MEI4: variants seen among roughly 807,000 people sequenced by gnomAD.
MEI4 encodes the protein meiotic double-stranded break formation protein 4.
MEI4 carries 27 observed loss-of-function variants against 31.4 expected under a neutral mutation model. The observed-to-expected ratio is 0.86, with a 90% confidence interval of 0.63 to 1.19. MEI4 has a LOEUF of 1.19. Among genes scored for constraint, MEI4 ranks in the 50% most tolerant of loss-of-function variants. The probability of loss-of-function intolerance (pLI) is 0.00; values close to 1 mark genes in which losing one functional copy is unlikely to be tolerated. For synonymous variants in MEI4, 122 were observed against 145.4 expected, an observed-to-expected ratio of 0.84 and a Z score of 1.16; for missense variants, 329 against 398.9, an observed-to-expected ratio of 0.82 and a Z score of 1.49.
At chr6:77,804,127 G>A (rs1018819540) in intron 3 of MEI4, among the ~76,000 whole-genome samples, 8 of 152,154 alleles carry the variant, frequency 5.3e-5, no homozygotes, top group Admixed American at 3.9e-4. Flanking sequence ...CACCCAGTTC[G>A]AGCTTCCTGG....
intron 4 of MEI4, among the ~76,000 whole-genome samples, chr6:77,909,643 G>T: frequency 1.3e-5 from 2 of 152,094 alleles, no homozygotes; most frequent in Non-Finnish European, 2.9e-5. Flanking sequence ...GGAGGAACTG[G>T]TACCATTCTT....
chr6:77,860,073 G>A (rs1056906394), intron 4 of MEI4, among the ~76,000 whole-genome samples: 3 of 151,990 alleles, frequency 2.0e-5, no homozygotes, highest in African/African-American at 4.8e-5. Context: ...ATTTCACATC[G>A]CTTATTTGCT....
intron 3 of MEI4, among the ~76,000 whole-genome samples, chr6:77,798,173 T>TA (rs1428833491): frequency 6.6e-6 from 1 of 151,084 alleles, no homozygotes; most frequent in Admixed American, 6.6e-5. Context: ...TAAATATAAC[T>TA]AAAAAATCAA....
chr6:77,744,276 G>T, intron 2 of MEI4, among the ~76,000 whole-genome samples: 1 of 152,116 alleles, frequency 6.6e-6, no homozygotes, highest in Non-Finnish European at 1.5e-5. Context: ...GTACTTAAAG[G>T]AGCTGATGGA....
intron 3 of MEI4, among the ~76,000 whole-genome samples, chr6:77,799,975 G>C (rs1253157477): frequency 2.0e-5 from 3 of 152,012 alleles, no homozygotes; most frequent in East Asian, 1.9e-4. Flanking sequence ...CTTGGCAATG[G>C]GGGCTCTTTT....
At chr6:77,792,551 C>T (rs974631177) in intron 3 of MEI4, among the ~76,000 whole-genome samples, 6 of 151,970 alleles carry the variant, frequency 3.9e-5, no homozygotes, top group African/African-American at 1.5e-4. Context: ...AAATATTGCT[C>T]GGACTATTGC....
At chr6:77,873,818 C>T (rs1362480051) in intron 4 of MEI4, among the ~76,000 whole-genome samples, 1 of 152,194 alleles carries the variant, frequency 6.6e-6, no homozygotes, top group Non-Finnish European at 1.5e-5. Flanking sequence ...CAGCTTTCTA[C>T]ATATGGCTAG....
chr6:77,702,421 G>A (rs11758866), intron 2 of MEI4, among the ~76,000 whole-genome samples: 20,977 of 152,190 alleles, frequency 0.14, 1,534 homozygotes, highest in Middle Eastern at 0.21. Flanking sequence ...ATGGAAGTTT[G>A]TTTAAAATTG....
intron 4 of MEI4, among the ~76,000 whole-genome samples, chr6:77,841,333 A>ATT (rs1239589008): frequency 5.6e-3 from 154 of 27,718 alleles, no homozygotes; most frequent in Non-Finnish European, 6.5e-3. Context: ...ATATATATAT[A>ATT]TTTTTTTTTT....
chr6:77,897,205 C>T (rs907778633), intron 4 of MEI4, among the ~76,000 whole-genome samples: 1 of 151,914 alleles, frequency 6.6e-6, no homozygotes, highest in Non-Finnish European at 1.5e-5. Flanking sequence ...AGAAGGAATT[C>T]CCCAAAAGAG....
intron 3 of MEI4, among the ~76,000 whole-genome samples, chr6:77,815,899 A>AAC (rs1554166966): frequency 3.3e-5 from 5 of 151,826 alleles, no homozygotes; most frequent in African/African-American, 4.8e-5. Flanking sequence ...GAAAAAAAAA[A>AAC]ACCAAAACAA....
chr6:77,803,761 T>C (rs547877079), intron 3 of MEI4, among the ~76,000 whole-genome samples: 1 of 152,312 alleles, frequency 6.6e-6, no homozygotes, highest in African/African-American at 2.4e-5. Context: ...TGCCTGGGTA[T>C]CAGCAGCGGA....
intron 4 of MEI4, among the ~76,000 whole-genome samples, chr6:77,882,144 C>T (rs1452864342): frequency 2.0e-5 from 3 of 152,156 alleles, no homozygotes; most frequent in African/African-American, 7.2e-5. Context: ...AAAGCACATG[C>T]ATAAATCAAT....
chr6:77,887,759 G>T lies in MEI4; in HGVS notation c.901-35330G>T, dbSNP rs188525908. 3.9e-5 allele frequency among the ~76,000 whole-genome samples: 6 copies of T among 152,234 alleles called. No homozygotes were observed. In the East Asian group the frequency reaches 9.6e-4, roughly 24 times the overall value. ...AGTATAATGTGTATCTGCAGCTGTT[G>T]GATAAAATATTCTGCAAATATCTAT... is the stretch of plus-strand genomic sequence containing the variant. On this transcript the variant is annotated intron_variant, in intron 4 of 4. Transcript: ENST00000684080.
At chr6:77,664,019 G>A (rs985462460) in intron 1 of MEI4, among the ~76,000 whole-genome samples, 8 of 152,226 alleles carry the variant, frequency 5.3e-5, no homozygotes, top group Non-Finnish European at 1.0e-4. Flanking sequence ...GGCACATGTA[G>A]CAAGCTCCTG....
At position 77,827,360 on chromosome 6, in the gene MEI4, T is replaced by A. The variant is rs61604231; in HGVS notation, c.769-1571T>A. Among the ~76,000 whole-genome samples the A allele has an allele frequency of 9.1e-3, 615 of 67,774 alleles. 11 individuals carry two copies. Among genetic ancestry groups the A allele is most frequent in the African/African-American group, 0.037 (581 of 15,848 alleles). 44.5% of individuals were successfully genotyped at this position (67,774 alleles called of 152,430 possible). A position where few individuals can be genotyped will look rare whatever the true frequency, so the allele number is the denominator to read the frequency against. ...TGGGTGACAGAGGGAGACTCCATCT[T>A]AAAAAAAAAAAAAAAAAAAAAAAAA... On this transcript the variant is annotated intron_variant, in intron 3 of 4. Transcript: ENST00000684080.
chr6:77,864,506 G>C (rs996395956), intron 4 of MEI4, among the ~76,000 whole-genome samples: 1 of 152,124 alleles, frequency 6.6e-6, no homozygotes, highest in Non-Finnish European at 1.5e-5. Flanking sequence ...AATGGTAAAA[G>C]GATCAATTCA....
chr6:77,868,516 T>TATATATACAC (rs1554170586), intron 4 of MEI4, among the ~76,000 whole-genome samples: 1 of 133,786 alleles, frequency 7.5e-6, no homozygotes, highest in African/African-American at 2.8e-5. Context: ...TATATATATA[T>TATATATACAC]ATATATATAT....
chr6:77,920,037 C>A (rs1162313895), intron 4 of MEI4, among the ~76,000 whole-genome samples: 1 of 146,548 alleles, frequency 6.8e-6, no homozygotes, highest in Non-Finnish European at 1.5e-5. Flanking sequence ...AGTCCAGGAC[C>A]AGATGGATTC....
Sources: allele counts gnomAD v4.1 joint callset (sites outside exome capture counted in the v4.1 genomes callset), GRCh38; gene constraint gnomAD v4.1.1; transcripts MANE v1.5; gene names NCBI Gene and HGNC (gene_info 2026-07-23, HGNC 2026-07-21).